CFAP54: variants seen among roughly 807,000 people sequenced by gnomAD.
The protein encoded by CFAP54 is cilia- and flagella-associated protein 54.
A neutral mutation model predicts 370.4 loss-of-function variants in CFAP54; 290 were observed. The observed-to-expected ratio is 0.78, with a 90% CI of 0.71 to 0.86. CFAP54 has a LOEUF of 0.86. CFAP54 is among the 40% of genes least tolerant of loss of function. The pLI, the probability that CFAP54 is intolerant of heterozygous loss-of-function variation, is 0.00. For synonymous variants in CFAP54, 1,206 were observed against 1,236.5 expected (o/e 0.98, Z 0.52); for missense variants, 3,399 against 3,528.7 (o/e 0.96, Z 0.93).
chr12:96,719,326 T>C (rs1565952911), intron 49 of CFAP54, among the ~76,000 whole-genome samples: 2 of 152,220 alleles, frequency 1.3e-5, no homozygotes, highest in Admixed American at 1.3e-4. Flanking sequence ...ATCCATGTTC[T>C]TAAACATTAT....
At position 96,506,950 on chromosome 12, in the gene CFAP54, A is replaced by C; in HGVS notation, c.590A>C (p.Asn197Thr). 6.5e-7 allele frequency: 1 copy of C among 1,528,606 alleles called. No homozygotes were observed. Among genetic ancestry groups the C allele is most frequent in the Non-Finnish European group, 8.7e-7 (1 of 1,145,264 alleles). 94.7% of individuals were successfully genotyped at this position (1,528,606 alleles called of 1,614,324 possible). ...CAGTTTCATGCTTTGAGTGGCAAAA[A>C]TATGTGCAACTACCAGCTGGTCTGC... Reference protein sequence around the residue: ...GLTFHALSGKNMCNYQLVCDS... With the variant: ...GLTFHALSGKTMCNYQLVCDS... The change falls in exon 4 of 68, where the codon AAT becomes ACT. Residue 197 changes from asparagine (N) to threonine (T), a missense_variant. Physicochemically the swap from Asn to Thr is moderately conservative, Grantham distance 65. Around this residue, in one of 3 missense-constraint regions of CFAP54, gnomAD observed 559 missense variants for 576.7 expected, o/e 0.97. Transcript: ENST00000524981.
intron 13 of CFAP54, chr12:96,540,040 C>T (rs1195574970): frequency 6.6e-6 from 1 of 152,112 alleles, no homozygotes; most frequent in Admixed American, 6.6e-5. Context: ...TCTCAGGTCC[C>T]AAAATGTGAT....
intron 50 of CFAP54, among the ~76,000 whole-genome samples, chr12:96,721,654 C>T (rs1021768287): frequency 7.2e-5 from 11 of 152,180 alleles, no homozygotes; most frequent in African/African-American, 2.2e-4. Flanking sequence ...CATTTCTTAT[C>T]ATTCATTAAT....
In CFAP54 at chr12:96,651,639, G is replaced by T. The variant is rs1448333305; in HGVS notation, c.4924G>T (p.Ala1642Ser). ...YWTLLQNCCR[A>S]LWNFTQELQI... Reference sequence around the variant, plus strand: ...GACTCTGCTTCAGAACTGCTGTCGGGCCTTATGGAACTTTACTCAGGAACT... The same window carrying T: ...GACTCTGCTTCAGAACTGCTGTCGGTCCTTATGGAACTTTACTCAGGAACT... Residue 1642 changes from alanine to serine, a missense_variant, in exon 36 of 68, where the codon GCC becomes TCC. This residue lies in a region of CFAP54 where 2,796 missense variants were observed against 2,869.7 expected (regional missense o/e 0.97). Coordinates refer to ENST00000524981, the MANE Select transcript of CFAP54 (RefSeq NM_001306084.2). 2 of 1,614,036 alleles carry T rather than the reference G, an allele frequency of 1.2e-6. No individual in the cohort carries two copies. The highest frequency in any genetic ancestry group is 4.5e-5 in the East Asian group (2 of 44,884).
intron 56 of CFAP54, among the ~76,000 whole-genome samples, chr12:96,754,202 A>G (rs1417113847): frequency 6.6e-6 from 1 of 152,198 alleles, no homozygotes; most frequent in Non-Finnish European, 1.5e-5. Context: ...GCTATAAATA[A>G]TATTACTTAA....
chr12:96,799,951 T>C (rs1958804693), intron 63 of CFAP54, among the ~76,000 whole-genome samples: 1 of 152,160 alleles, frequency 6.6e-6, no homozygotes, highest in South Asian at 2.1e-4. Context: ...TTTCTTAGGT[T>C]GGTCTTCAGC....
chr12:96,858,941 T>C (rs981179805), intron 66 of CFAP54, among the ~76,000 whole-genome samples: 12 of 152,228 alleles, frequency 7.9e-5, no homozygotes, highest in South Asian at 2.1e-4. Flanking sequence ...ACAGCCTAAA[T>C]AGCCAAGGCA....
intron 60 of CFAP54, among the ~76,000 whole-genome samples, chr12:96,780,640 G>A (rs1358267694): frequency 6.6e-6 from 1 of 152,112 alleles, no homozygotes; most frequent in Non-Finnish European, 1.5e-5. Flanking sequence ...ATTGAACAGC[G>A]ATCAGTTCAA....
intron 65 of CFAP54, among the ~76,000 whole-genome samples, chr12:96,824,647 A>G (rs745914534): frequency 1.3e-5 from 2 of 152,126 alleles, no homozygotes; most frequent in Non-Finnish European, 2.9e-5. Flanking sequence ...TACCCTGACT[A>G]GTGCTGGGTA....
In CFAP54 at chr12:96,581,021, C is replaced by T. The variant is rs1274489117; in HGVS notation, c.2991C>T (p.Val997=). The part of the protein sequence containing the change: ...VAAYSNNGKL[V]GGAIGETTKP... The stretch of plus-strand genomic sequence containing the variant: ...CCTATTCTAACAACGGAAAGCTTGT[C>T]GGTGGTGCTATTGGGGAGACAACTA... Residue 997 remains valine, a synonymous_variant, in exon 22 of 68, where the codon GTC becomes GTT. Coordinates refer to ENST00000524981, the MANE Select transcript of CFAP54 (RefSeq NM_001306084.2). The T allele has an allele frequency of 3.3e-6, 5 of 1,533,968 alleles. No homozygotes were observed. The highest frequency in any genetic ancestry group is 2.0e-5 in the Admixed American group (1 of 50,850).
At chr12:96,621,752 T>G (rs1383440523) in intron 27 of CFAP54, 31 bp downstream of exon 27, 1 of 1,496,026 alleles carries the variant, frequency 6.7e-7, no homozygotes, top group Non-Finnish European at 8.9e-7. Flanking sequence ...TTTTTAAACC[T>G]ACGTTTAGTT....
chr12:96,723,774 C>A (rs1469034305), intron 50 of CFAP54, among the ~76,000 whole-genome samples: 1 of 149,592 alleles, frequency 6.7e-6, no homozygotes, highest in African/African-American at 2.5e-5. Context: ...GTGTGCTGCA[C>A]CCATTAACTT....
intron 19 of CFAP54, among the ~76,000 whole-genome samples, chr12:96,566,338 G>A (rs188417895): frequency 4.9e-4 from 74 of 152,286 alleles, no homozygotes; most frequent in African/African-American, 1.8e-3. Context: ...TCCAAGTAAA[G>A]GGACTGGCCA....
At chr12:96,729,997 A>G (rs981152705) in intron 50 of CFAP54, among the ~76,000 whole-genome samples, 10 of 152,206 alleles carry the variant, frequency 6.6e-5, no homozygotes, top group South Asian at 4.1e-4. Context: ...TATGATTGGC[A>G]CACAGTCGAG....
At chr12:96,741,236 G>A (rs1159220014) in intron 51 of CFAP54, among the ~76,000 whole-genome samples, 3 of 151,974 alleles carry the variant, frequency 2.0e-5, no homozygotes, top group Non-Finnish European at 2.9e-5. Flanking sequence ...GCACAGTGTC[G>A]GCTTACTGCA....
chr12:96,573,583 G>A (rs1425028111), intron 19 of CFAP54, among the ~76,000 whole-genome samples: 1 of 152,102 alleles, frequency 6.6e-6, no homozygotes. Flanking sequence ...GCTCTTTTAC[G>A]GCCTTTTATG....
intron 9 of CFAP54, among the ~76,000 whole-genome samples, chr12:96,529,118 A>G (rs1411552912): frequency 6.6e-6 from 1 of 152,176 alleles, no homozygotes; most frequent in Non-Finnish European, 1.5e-5. Flanking sequence ...CAGAGAGCAC[A>G]TTATGTATTA....
intron 42 of CFAP54, among the ~76,000 whole-genome samples, chr12:96,688,530 ATCTG>A (rs1957351387): frequency 2.0e-5 from 3 of 152,236 alleles, no homozygotes; most frequent in Admixed American, 1.3e-4. Context: ...GTTATGGCAC[ATCTG>A]TATGATAAAA....
intron 12 of CFAP54, among the ~76,000 whole-genome samples, chr12:96,538,092 CA>C (rs34150077): frequency 0.41 from 60,945 of 147,860 alleles, 12,804 homozygotes; most frequent in South Asian, 0.47. Flanking sequence ...GGCCCTGTTT[CA>C]AAAAAAAAAG....
Sources: gnomAD v4.1 joint callset for allele counts (sites outside exome capture counted in the v4.1 genomes callset) on GRCh38, gnomAD v4.1.1 for gene constraint, gnomAD v4.1.1 regional missense constraint, MANE v1.5 for transcripts, NCBI Gene and HGNC (gene_info 2026-07-23, HGNC 2026-07-21) for gene names.